The following C8B variants were observed in gnomAD, a reference collection of about 807,000 sequenced individuals.
The protein encoded by C8B is complement component C8 beta chain.
A neutral mutation model predicts 64.6 loss-of-function variants in C8B; 67 were observed. The observed-to-expected ratio is 1.04, with a 90% confidence interval of 0.85 to 1.27. C8B has a LOEUF of 1.27. Among genes scored for constraint, C8B ranks in the 50% most tolerant of loss-of-function variants. The pLI, the probability that C8B is intolerant of heterozygous loss-of-function variation, is 0.00. For synonymous variants in C8B, 284 were observed against 257.7 expected (o/e 1.10, Z -0.98); for missense variants, 790 against 725.2 (o/e 1.09, Z -1.03).
chr1:56,949,052 G>T (rs1417622141), intron 6 of C8B, among the ~76,000 whole-genome samples: 1 of 151,332 alleles, frequency 6.6e-6, no homozygotes, highest in African/African-American at 2.4e-5. Flanking sequence ...AAAGATAATT[G>T]GTTGTTAGAA....
chr1:56,949,483 G>C lies in C8B; in HGVS notation c.864+72C>G, dbSNP rs573966461. The C allele has an allele frequency of 1.9e-5, 24 of 1,283,184 alleles. No homozygotes were observed. The African/African-American group carries it at 3.1e-4, about 16-fold the overall frequency. The allele number at this position is 1,283,184 out of a possible 1,614,324, so 79.5% of individuals were successfully genotyped here. A position where few individuals can be genotyped will look rare whatever the true frequency, so the allele number is the denominator to read the frequency against. On this transcript the variant is annotated intron_variant, in intron 6 of 11. Coordinates refer to ENST00000371237, the MANE Select transcript of C8B (RefSeq NM_000066.4). ...TTTCTTTATAAATCATCCATTCTGT[G>C]GTGTTTTGTTACAGCAGCAGAAAAT...
At position 56,952,121 on chromosome 1, in the gene C8B, C is replaced by A. The variant is rs371177945; in HGVS notation, c.593G>T (p.Gly198Val). ...GPVLDHRYYA[G>V]GCSPHYILNT... ...CAGGATGTAATGCGGGGAGCATCCA[C>A]CTGCATAATACCTGTGATCAAGAAC... is the stretch of plus-strand genomic sequence containing the variant. Residue 198 changes from glycine (G) to valine (V), a missense_variant, in exon 5 of 12, where the codon GGT (glycine) becomes GTT (valine). By Grantham distance (109) the Gly-to-Val change is moderately radical. Coordinates refer to ENST00000371237, the MANE Select transcript of C8B (RefSeq NM_000066.4). 1.2e-6 allele frequency: 2 copies of A among 1,614,166 alleles called. No individual in the cohort carries two copies. Among genetic ancestry groups the A allele is most frequent in the South Asian group, 2.2e-5 (2 of 91,082 alleles).
chr1:56,963,920 T>A (rs1197106524), intron 1 of C8B: 2 of 984,476 alleles, frequency 2.0e-6, no homozygotes, highest in Non-Finnish European at 2.4e-6. Context: ...TTTTGGCCAA[T>A]ACGAAGGTGG....
chr1:56,947,361 G>A (rs957074360), intron 6 of C8B, among the ~76,000 whole-genome samples: 7 of 152,132 alleles, frequency 4.6e-5, no homozygotes, highest in South Asian at 4.1e-4. Flanking sequence ...AACCACGTAC[G>A]TCAGCATTCA....
chr1:56,965,512 TTCATGAATTTGCTCTTTTG>T (rs139137605), intron 1 of C8B, among the ~76,000 whole-genome samples: 4,221 of 152,008 alleles, frequency 0.028, 201 homozygotes, highest in African/African-American at 0.097. Context: ...TTAAAATCAT[TTCATGAATTTGCTCTTTTG>T]TCCTCTGTAT....
At chr1:56,963,979 A>G (rs1645215883) in intron 1 of C8B, 15 of 985,260 alleles carry the variant, frequency 1.5e-5, no homozygotes, top group Non-Finnish European at 1.8e-5. Context: ...CTACTCGCAG[A>G]TGGAATTCAA....
intron 2 of C8B, chr1:56,959,441 G>T (rs1254395657): frequency 1.2e-6 from 1 of 802,122 alleles, no homozygotes. Flanking sequence ...GAGTCAAAAA[G>T]CTTTCTCAAA....
At chr1:56,959,724 A>G (rs1460330290) in intron 2 of C8B, 2 of 941,808 alleles carry the variant, frequency 2.1e-6, no homozygotes, top group Non-Finnish European at 3.2e-6. Context: ...ATACACTATG[A>G]TTGCTTCCCC....
Position 56,929,453 on chromosome 1 carries a change from C to G in C8B, c.1727G>C (p.Gly576Ala). ...RQCNNPPPQN[G>A]GSPCSGPASE... is the part of the protein sequence containing the mutation. ...AGCAGGGCCTGAACAGGGGCTACCC[C>G]CATTTTGAGGAGGTGGATTGTTACA... Residue 576 changes from glycine (G) to alanine (A), a missense_variant, in exon 12 of 12, where the codon GGG (glycine) becomes GCG (alanine). Transcript: ENST00000371237. 1.9e-6 allele frequency: 3 copies of G among 1,612,846 alleles called. No homozygotes were observed. Among genetic ancestry groups the G allele is most frequent in the Non-Finnish European group, 2.5e-6 (3 of 1,179,934 alleles).
At chr1:56,952,246 A>T in intron 4 of C8B, 66 bp from the exon 5 acceptor site, 1 of 1,604,188 alleles carries the variant, frequency 6.2e-7, no homozygotes, top group Non-Finnish European at 8.5e-7. Flanking sequence ...TGACTGTCAG[A>T]CCCTACTGAA....
chr1:56,945,723 G>T lies in C8B; in HGVS notation c.1105+98C>A, dbSNP rs188398216. 9 of 1,452,638 alleles carry T rather than the reference G, an allele frequency of 6.2e-6. No individual in the cohort carries two copies. The Admixed American group carries it at 1.5e-4, about 24-fold the overall frequency. 90.0% of individuals were successfully genotyped at this position (1,452,638 alleles called of 1,614,324 possible). On this transcript the variant is annotated intron_variant, in intron 7 of 11. Coordinates refer to ENST00000371237, the MANE Select transcript of C8B (RefSeq NM_000066.4). ...GGAAGAGGAATCTGCAAATGACACT[G>T]TGAAGGTGTAGCCAGGAAGGTAGAA...
chr1:56,964,862 C>T (rs948810842), intron 1 of C8B, among the ~76,000 whole-genome samples: 3 of 152,196 alleles, frequency 2.0e-5, no homozygotes, highest in African/African-American at 7.2e-5. Context: ...GAATGCTTCT[C>T]TGTGTACACA....
At chr1:56,938,080 A>T (rs1012089895) in intron 9 of C8B, among the ~76,000 whole-genome samples, 12 of 152,344 alleles carry the variant, frequency 7.9e-5, no homozygotes, top group Non-Finnish European at 1.6e-4. Context: ...ATTCTGCATT[A>T]TCAGCTCAGG....
Position 56,960,008 on chromosome 1 carries a change from C to T in C8B, c.249+12G>A, listed in dbSNP as rs774679611. On this transcript the variant is annotated intron_variant, in intron 2 of 11. Transcript: ENST00000371237. Reference sequence around the variant, plus strand: ...CTGGAAGCTTAGAGCTGTCCCAGGCCTGGTTGCTTACCCTTTTCTTCTGAC... The same window carrying T: ...CTGGAAGCTTAGAGCTGTCCCAGGCTTGGTTGCTTACCCTTTTCTTCTGAC... The T allele has an allele frequency of 1.2e-6, 2 of 1,614,100 alleles. No homozygotes were observed. The highest frequency in any genetic ancestry group is 8.5e-7 in the Non-Finnish European group (1 of 1,179,996).
intron 9 of C8B, among the ~76,000 whole-genome samples, chr1:56,935,534 G>A (rs1479608057): frequency 5.3e-5 from 8 of 152,110 alleles, no homozygotes; most frequent in East Asian, 1.9e-4. Flanking sequence ...GGTGAGCACC[G>A]ACTAAACTCT....
At chr1:56,962,450 G>A (rs1645192605) in intron 1 of C8B, among the ~76,000 whole-genome samples, 1 of 152,156 alleles carries the variant, frequency 6.6e-6, no homozygotes, top group African/African-American at 2.4e-5. Context: ...TTCCCTCAGG[G>A]CCTCTGTGTG....
rs751695720 is a variant in C8B at position 56,933,506 on chromosome 1, C to T, written c.1399-18G>A. On this transcript the variant is annotated intron_variant, in intron 9 of 11. Transcript: ENST00000371237. ...GGCTCCACCTGGAAAGGGAAAAGGG[C>T]ATTTATTTCAAGAGAAAAACATTTA... 2.5e-6 allele frequency: 4 copies of T among 1,608,696 alleles called. No homozygotes were observed. In the Admixed American group the frequency reaches 6.7e-5, roughly 27 times the overall value.
chr1:56,942,396 G>A (rs1457034341), intron 8 of C8B, among the ~76,000 whole-genome samples: 2 of 152,176 alleles, frequency 1.3e-5, no homozygotes, highest in Non-Finnish European at 2.9e-5. Flanking sequence ...TATGTCCCCA[G>A]TGCCAAAAGA....
intron 9 of C8B, among the ~76,000 whole-genome samples, chr1:56,937,974 G>A (rs1054912954): frequency 6.6e-6 from 1 of 152,114 alleles, no homozygotes; most frequent in Non-Finnish European, 1.5e-5. Context: ...TATTCCTGTA[G>A]GATATATTTG....
Sources: gnomAD v4.1 joint callset for allele counts (sites outside exome capture counted in the v4.1 genomes callset) on GRCh38, gnomAD v4.1.1 for gene constraint, MANE v1.5 for transcripts, NCBI Gene and HGNC (gene_info 2026-07-23, HGNC 2026-07-21) for gene names.